Variants in CYP2C19 observed in about 807,000 individuals in gnomAD.
CYP2C19 encodes cytochrome P450 2C19.
In CYP2C19, 59 loss-of-function variants were observed where a neutral mutation model predicts 40.9. The observed-to-expected ratio is 1.44, with a 90% CI of 1.17 to 1.79. CYP2C19 has a LOEUF of 1.79. Among genes scored for constraint, CYP2C19 ranks in the 40% most tolerant of loss-of-function variants. CYP2C19 has a pLI of 0.00. For missense variants in CYP2C19, 754 were observed against 596.9 expected, an observed-to-expected ratio of 1.26 and a Z score of -2.74; for synonymous variants, 253 against 208.7, an observed-to-expected ratio of 1.21 and a Z score of -1.83.
chr10:94,852,470 G>A (rs923753147), intron 8 of CYP2C19, among the ~76,000 whole-genome samples: 4 of 152,162 alleles, frequency 2.6e-5, no homozygotes, highest in Admixed American at 6.6e-5. Flanking sequence ...AATACATGGT[G>A]CTTGATAAGA....
At chr10:94,792,993 A>G (rs2134247129) in intron 5 of CYP2C19, among the ~76,000 whole-genome samples, 1 of 152,266 alleles carries the variant, frequency 6.6e-6, no homozygotes, top group South Asian at 2.1e-4. Flanking sequence ...AGGTACACCA[A>G]TCAGATGTAG....
At chr10:94,795,312 G>T (rs898716941) in intron 5 of CYP2C19, among the ~76,000 whole-genome samples, 1 of 151,830 alleles carries the variant, frequency 6.6e-6, no homozygotes, top group African/African-American at 2.4e-5. Flanking sequence ...CTTCATCCAT[G>T]TCCCTACAAA....
At chr10:94,804,358 G>A (rs1234618603) in intron 5 of CYP2C19, among the ~76,000 whole-genome samples, 3 of 152,196 alleles carry the variant, frequency 2.0e-5, no homozygotes, top group Non-Finnish European at 4.4e-5. Flanking sequence ...GGCTGTGGAG[G>A]CCCCTACCTT....
chr10:94,820,228 A>G (rs1286589113), intron 5 of CYP2C19, among the ~76,000 whole-genome samples: 1 of 152,030 alleles, frequency 6.6e-6, no homozygotes, highest in Non-Finnish European at 1.5e-5. Flanking sequence ...TTAGGTATTG[A>G]TGGGATGTAT....
At chr10:94,777,152 T>A (rs1848418778) in intron 3 of CYP2C19, among the ~76,000 whole-genome samples, 1 of 151,928 alleles carries the variant, frequency 6.6e-6, no homozygotes, top group African/African-American at 2.4e-5. Flanking sequence ...AATTAAGAGA[T>A]TACAAAAACA....
intron 5 of CYP2C19, among the ~76,000 whole-genome samples, chr10:94,782,797 A>T (rs1332645506): frequency 6.6e-6 from 1 of 152,144 alleles, no homozygotes; most frequent in African/African-American, 2.4e-5. Context: ...AGATGAATTC[A>T]TGTCCTCTGC....
In CYP2C19 at chr10:94,816,532, TTA is replaced by T. The variant is rs576260894; in HGVS notation, c.820-3962_820-3961del. On this transcript the variant is annotated intron_variant, in intron 5 of 8. Coordinates refer to ENST00000371321, the MANE Select transcript of CYP2C19 (RefSeq NM_000769.4). ...GTTTAACAGTCTTTGTACTACTTAT[TTA>T]TTTTTTTAATTTTTACAAAAACATA... is the stretch of plus-strand genomic sequence containing the variant. Among the ~76,000 whole-genome samples, 467 of 152,232 alleles carry T rather than the reference TTA, an allele frequency of 3.1e-3. 3 individuals carry two copies. The highest frequency in any genetic ancestry group is 0.011 in the African/African-American group (444 of 41,564).
rs539411579 is a variant in CYP2C19, at chr10:94,781,383, A to C, written c.643-438A>C. Among the ~76,000 whole-genome samples, 12 of 152,238 alleles carry C rather than the reference A, an allele frequency of 7.9e-5. No homozygotes were observed. The South Asian group carries it at 2.5e-3, about 32-fold the overall frequency. On this transcript the variant is annotated intron_variant, in intron 4 of 8. Transcript: ENST00000371321. Reference sequence around the variant, plus strand: ...CCTCCCACTTCTAAAATACTAATTCAATTTCAGAGGCTGCTTGATAGAAAT... The same window carrying C: ...CCTCCCACTTCTAAAATACTAATTCCATTTCAGAGGCTGCTTGATAGAAAT...
At chr10:94,803,604 G>A (rs191785978) in intron 5 of CYP2C19, among the ~76,000 whole-genome samples, 50 of 152,298 alleles carry the variant, frequency 3.3e-4, no homozygotes, top group Middle Eastern at 6.8e-3. Context: ...ACAGGCACTA[G>A]CACCAGCACT....
chr10:94,772,975 G>A (rs1056109971), intron 1 of CYP2C19, among the ~76,000 whole-genome samples: 1 of 152,128 alleles, frequency 6.6e-6, no homozygotes, highest in Non-Finnish European at 1.5e-5. Context: ...TAGAGACGGG[G>A]TTTCACCTTG....
intron 5 of CYP2C19, among the ~76,000 whole-genome samples, chr10:94,800,071 G>T (rs1002318079): frequency 6.6e-6 from 1 of 152,158 alleles, no homozygotes; most frequent in East Asian, 1.9e-4. Context: ...AATCCCTTGA[G>T]GAGGAGAGGC....
At chr10:94,768,291 C>A (rs112517388) in intron 1 of CYP2C19, among the ~76,000 whole-genome samples, 1 of 152,188 alleles carries the variant, frequency 6.6e-6, no homozygotes, top group Non-Finnish European at 1.5e-5. Context: ...TACAGTTACA[C>A]CACTAACTTT....
At chr10:94,773,486 G>T (rs1286113243) in intron 1 of CYP2C19, among the ~76,000 whole-genome samples, 1 of 152,160 alleles carries the variant, frequency 6.6e-6, no homozygotes, top group Non-Finnish European at 1.5e-5. Context: ...TCCTCCTGGT[G>T]GGTTCATGGT....
chr10:94,782,225 A>G (rs12571421), intron 5 of CYP2C19, among the ~76,000 whole-genome samples: 25,296 of 152,152 alleles, frequency 0.17, 2,338 homozygotes, highest in South Asian at 0.33. Context: ...AATATAATCT[A>G]TCTGAACAAT....
In CYP2C19 at chr10:94,780,506, C is replaced by T; in HGVS notation, c.489C>T (p.Pro163=). The change falls in exon 4 of 9, where the codon CCC becomes CCT. Residue 163 remains proline, a synonymous_variant. Coordinates refer to ENST00000371321, the MANE Select transcript of CYP2C19 (RefSeq NM_000769.4). ...TTGTTTCCAATCATTTAGCTTCACC[C>T]TGTGATCCCACTTTCATCCTGGGCT... ...VEELRKTKAS[P]CDPTFILGCA... The T allele has an allele frequency of 6.2e-7, 1 of 1,613,450 alleles. No individual in the cohort carries two copies. Among genetic ancestry groups the T allele is most frequent in the Non-Finnish European group, 8.5e-7 (1 of 1,179,894 alleles).
chr10:94,764,038 T>C (rs1418146350), intron 1 of CYP2C19, among the ~76,000 whole-genome samples: 1 of 152,034 alleles, frequency 6.6e-6, no homozygotes, highest in Non-Finnish European at 1.5e-5. Context: ...TCCTGGTGGG[T>C]TTCTGGTCTC....
intron 5 of CYP2C19, among the ~76,000 whole-genome samples, chr10:94,782,211 G>C (rs969115162): frequency 2.0e-5 from 3 of 152,088 alleles, no homozygotes; most frequent in Non-Finnish European, 4.4e-5. Flanking sequence ...AAATTGTTTA[G>C]ATAAATATAA....
chr10:94,770,138 G>C (rs1848307210), intron 1 of CYP2C19, among the ~76,000 whole-genome samples: 1 of 152,040 alleles, frequency 6.6e-6, no homozygotes, highest in South Asian at 2.1e-4. Flanking sequence ...GGCCCTCAAT[G>C]GTTAAACATA....
intron 5 of CYP2C19, 107 bp from the exon 6 acceptor site, chr10:94,820,384 ATACTT>A (rs1457939471): frequency 4.7e-6 from 6 of 1,267,478 alleles, no homozygotes; most frequent in East Asian, 4.8e-5. Context: ...TTCTAGTACT[ATACTT>A]TACAGTTTCT....
Sources: allele counts gnomAD v4.1 joint callset (sites outside exome capture counted in the v4.1 genomes callset), GRCh38; gene constraint gnomAD v4.1.1; transcripts MANE v1.5; gene names NCBI Gene and HGNC (gene_info 2026-07-23, HGNC 2026-07-21).